PPFIA4: variants seen among roughly 807,000 people sequenced by gnomAD.
PPFIA4 encodes PPFI scaffold protein A4, also known as liprin-alpha-4.
PPFIA4 carries 98 observed loss-of-function variants against 145.7 expected under a neutral mutation model. The ratio of observed to expected loss-of-function variants is 0.67; its 90% confidence interval spans 0.57 to 0.80. The LOEUF is 0.80. Among genes scored for constraint, PPFIA4 ranks in the 30% least tolerant of loss-of-function variants. PPFIA4 has a pLI of 0.00. For synonymous variants in PPFIA4, 628 were observed against 649.6 expected, an observed-to-expected ratio of 0.97 and a Z score of 0.51; for missense variants, 1,457 against 1,632.7, an observed-to-expected ratio of 0.89 and a Z score of 1.85.
chr1:203,057,572 C>T (rs1044593561), intron 19 of PPFIA4, among the ~76,000 whole-genome samples: 1 of 152,216 alleles, frequency 6.6e-6, no homozygotes, highest in Non-Finnish European at 1.5e-5. Flanking sequence ...CTTCCTGTTC[C>T]TCCACCTTTT....
In PPFIA4 at chr1:203,063,966, C is replaced by T; in HGVS notation, c.3013C>T (p.Leu1005=). The change falls in exon 25 of 30, where the codon CTG becomes TTG. Residue 1005 remains leucine (L), a synonymous_variant. Transcript: ENST00000295706. The stretch of plus-strand genomic sequence containing the variant: ...GCTGGACCACCTCACCAAGAAGGAC[C>T]TGCGGGTCCACCTGAAGATGGTGGA... ...RMLDHLTKKD[L]RVHLKMVDSF... is the part of the protein sequence containing the mutation. The T allele has an allele frequency of 1.9e-6, 3 of 1,613,926 alleles. No individual in the cohort carries two copies. Among genetic ancestry groups the T allele is most frequent in the Admixed American group, 1.7e-5 (1 of 60,034 alleles).
At chr1:203,064,038 G>T (rs372131717) in intron 25 of PPFIA4, 35 bp downstream of exon 25, 2 of 1,596,566 alleles carry the variant, frequency 1.3e-6, no homozygotes, top group African/African-American at 1.3e-5. Flanking sequence ...CACCTCCCTC[G>T]TGGGGGCCTC....
intron 1 of PPFIA4, among the ~76,000 whole-genome samples, chr1:203,037,632 G>C (rs996431630): frequency 9.3e-4 from 141 of 152,314 alleles, no homozygotes; most frequent in African/African-American, 3.3e-3. Flanking sequence ...TTCATCGCCG[G>C]CTTCCTTTGC....
At chr1:203,031,125 A>G (rs749909520) in intron 1 of PPFIA4, among the ~76,000 whole-genome samples, 3 of 151,798 alleles carry the variant, frequency 2.0e-5, no homozygotes, top group Non-Finnish European at 2.9e-5. Flanking sequence ...TGGCATGATC[A>G]TGGCTCACTG....
chr1:203,069,365 A>G (rs1384331727), intron 27 of PPFIA4, among the ~76,000 whole-genome samples: 1 of 152,214 alleles, frequency 6.6e-6, no homozygotes, highest in African/African-American at 2.4e-5. Flanking sequence ...TGGGGAAGGA[A>G]CTACCTCCTC....
At position 203,049,674 on chromosome 1, in the gene PPFIA4, A is replaced by C; in HGVS notation, c.1420-2A>C. 6.7e-7 allele frequency: 1 copy of C among 1,500,080 alleles called. No individual in the cohort carries two copies. The highest frequency in any genetic ancestry group is 8.9e-7 in the Non-Finnish European group (1 of 1,118,658). The allele number at this position is 1,500,080 out of a possible 1,614,324, so 92.9% of individuals were successfully genotyped here. A position where few individuals can be genotyped will look rare whatever the true frequency, so the allele number is the denominator to read the frequency against. On this transcript the variant is annotated splice_acceptor_variant, in intron 12 of 29. Coordinates refer to ENST00000295706, the MANE Select transcript of PPFIA4 (RefSeq NM_001304331.2). LOFTEE classifies it high-confidence loss of function. ...GCCCCCACCCCGGGTCTGCTGGCAC[A>C]GGGCCGCCTGTCTGAAGAGATTGAG...
At position 203,055,344 on chromosome 1, in the gene PPFIA4, T is replaced by C; in HGVS notation, c.1830-88T>C. 1 of 1,558,032 alleles carries C rather than the reference T, an allele frequency of 6.4e-7. No individual in the cohort carries two copies. On this transcript the variant is annotated intron_variant, in intron 15 of 29. Transcript: ENST00000295706. The surrounding 1 kb of genome is among the most constrained non-coding windows in gnomAD (Gnocchi z 4.8). ...GCGGGTGTACACCGCATGTGGTCCTTGGTGGCGAGTGCAGGCATCGACCCG... is the reference window on the plus strand; with the variant it reads ...GCGGGTGTACACCGCATGTGGTCCTCGGTGGCGAGTGCAGGCATCGACCCG...
At chr1:203,031,399 A>G (rs1167093633) in intron 1 of PPFIA4, among the ~76,000 whole-genome samples, 2 of 152,192 alleles carry the variant, frequency 1.3e-5, no homozygotes, top group East Asian at 3.8e-4. Flanking sequence ...ATGGCCACAC[A>G]TATATACCAT....
Position 203,045,545 on chromosome 1 carries a change from C to G in PPFIA4, c.844C>G (p.Arg282Gly). 6.3e-7 allele frequency: 1 copy of G among 1,589,746 alleles called. No homozygotes were observed. The highest frequency in any genetic ancestry group is 1.1e-5 in the South Asian group (1 of 87,238). ...KSEELSSKHQ[R>G]DLREALAQKE... ...GGAGGAGCTGAGCAGCAAGCATCAG[C>G]GGGACCTCCGGGAGGTGCGTGAGGG... Residue 282 changes from arginine to glycine, a missense_variant, in exon 7 of 30, where the codon CGG becomes GGG. Arg to Gly is a moderately radical substitution (Grantham distance 125). Transcript: ENST00000295706.
chr1:203,046,155 TC>T lies in PPFIA4; in HGVS notation c.1006-92del. ...ACAACCAAGATTGTCCCTTGCTGCT[TC>T]TGACCTGTCATCTGCTCTCTGCTGA... On this transcript the variant is annotated intron_variant, in intron 8 of 29. Coordinates refer to ENST00000295706, the MANE Select transcript of PPFIA4 (RefSeq NM_001304331.2). 3.9e-6 allele frequency: 6 copies of T among 1,539,754 alleles called. No individual in the cohort carries two copies. In the South Asian group the frequency reaches 6.1e-5, roughly 16 times the overall value.
At chr1:203,035,350 G>T (rs1022016290) in intron 1 of PPFIA4, 1 of 455,788 alleles carries the variant, frequency 2.2e-6, no homozygotes, top group Non-Finnish European at 4.4e-6. Flanking sequence ...AGGCCTGTGT[G>T]TGGGGCCAGC....
At chr1:203,065,704 T>C (rs1661690042) in intron 25 of PPFIA4, among the ~76,000 whole-genome samples, 1 of 152,266 alleles carries the variant, frequency 6.6e-6, no homozygotes, top group African/African-American at 2.4e-5. Flanking sequence ...AAAATTTCTT[T>C]TAAATCATGA....
At chr1:203,064,573 C>G (rs993335280) in intron 25 of PPFIA4, among the ~76,000 whole-genome samples, 153 of 152,338 alleles carry the variant, frequency 1.0e-3, no homozygotes, top group Non-Finnish European at 1.2e-3. Context: ...AAACTGGCAG[C>G]CTGTGGGCAG....
chr1:203,027,756 C>T (rs771678406), intron 1 of PPFIA4, among the ~76,000 whole-genome samples: 4 of 152,188 alleles, frequency 2.6e-5, no homozygotes, highest in Admixed American at 6.5e-5. Context: ...TTTACAGCCA[C>T]GGAGTAGCTG....
At chr1:203,059,474 T>G (rs1661212614) in intron 20 of PPFIA4, among the ~76,000 whole-genome samples, 1 of 152,152 alleles carries the variant, frequency 6.6e-6, no homozygotes, top group Non-Finnish European at 1.5e-5. Context: ...GCAAGGGGGT[T>G]ATGGGACAGT....
intron 1 of PPFIA4, among the ~76,000 whole-genome samples, chr1:203,028,663 G>T (rs1229236926): frequency 1.3e-5 from 2 of 152,052 alleles, no homozygotes; most frequent in Non-Finnish European, 2.9e-5. Flanking sequence ...GTGCACACGC[G>T]TGTGTGAGTG....
chr1:203,053,596 A>T (rs1660690783), intron 14 of PPFIA4, 157 bp from the exon 15 acceptor site: 4 of 639,846 alleles, frequency 6.3e-6, no homozygotes, highest in Admixed American at 2.9e-5. Flanking sequence ...TAAAATGCAG[A>T]TGTTGAATCA....
chr1:203,061,775 A>C, intron 24 of PPFIA4, 97 bp downstream of exon 24: 5 of 1,310,908 alleles, frequency 3.8e-6, no homozygotes, highest in Non-Finnish European at 5.2e-6. Flanking sequence ...TGAGTCCTTC[A>C]TATGAAAAGC....
chr1:203,045,792 G>A (rs1351508516), intron 7 of PPFIA4, 49 bp from the exon 8 acceptor site: 7 of 1,611,768 alleles, frequency 4.3e-6, no homozygotes, highest in South Asian at 2.2e-5. Context: ...AGACAGGATG[G>A]GGGCAAGGAA....
Sources: allele counts gnomAD v4.1 joint callset (sites outside exome capture counted in the v4.1 genomes callset), GRCh38; gene constraint gnomAD v4.1.1; non-coding constraint Gnocchi (gnomAD v3.1); transcripts MANE v1.5; gene names NCBI Gene and HGNC (gene_info 2026-07-23, HGNC 2026-07-21).